The following CSMD1 variants were observed in gnomAD, a reference collection of about 807,000 sequenced individuals.
The protein encoded by CSMD1 is CUB and Sushi multiple domains 1.
A neutral mutation model predicts 417.5 loss-of-function variants in CSMD1; 213 were observed. The ratio of observed to expected loss-of-function variants is 0.51; its 90% CI spans 0.46 to 0.57. The LOEUF (loss-of-function observed/expected upper bound fraction) is 0.57. Among genes scored for constraint, CSMD1 ranks in the 20% least tolerant of loss-of-function variants. The probability of loss-of-function intolerance (pLI) is 0.00; values close to 1 mark genes in which losing one functional copy is unlikely to be tolerated. For synonymous variants in CSMD1, 2,862 were observed against 1,736.8 expected, an observed-to-expected ratio of 1.65 and a Z score of -16.11; for missense variants, 6,923 against 4,529.7, an observed-to-expected ratio of 1.53 and a Z score of -15.17.
intron 6 of CSMD1, among the ~76,000 whole-genome samples, chr8:3,738,827 T>C (rs1796653620): frequency 6.6e-6 from 1 of 152,162 alleles, no homozygotes; most frequent in Admixed American, 6.6e-5. Flanking sequence ...ACCATGTTTC[T>C]CTTCATCTAA....
intron 10 of CSMD1, among the ~76,000 whole-genome samples, chr8:3,555,461 GA>G (rs1799103834): frequency 6.6e-6 from 1 of 152,180 alleles, no homozygotes; most frequent in Non-Finnish European, 1.5e-5. Flanking sequence ...TGGCAGGTCA[GA>G]AGGTGGAGGT....
At chr8:4,121,034 G>C (rs1263341665) in intron 3 of CSMD1, among the ~76,000 whole-genome samples, 4 of 152,096 alleles carry the variant, frequency 2.6e-5, no homozygotes, top group Non-Finnish European at 5.9e-5. Flanking sequence ...TAGTTTAGTA[G>C]TCCAGGAACA....
intron 1 of CSMD1, among the ~76,000 whole-genome samples, chr8:4,882,459 G>C: frequency 6.6e-6 from 1 of 151,802 alleles, no homozygotes; most frequent in East Asian, 2.0e-4. Context: ...GTATTGGGGG[G>C]CGAGTTTGGC....
intron 5 of CSMD1, among the ~76,000 whole-genome samples, chr8:3,852,968 G>A (rs1050656189): frequency 6.6e-6 from 1 of 152,058 alleles, no homozygotes; most frequent in African/African-American, 2.4e-5. Flanking sequence ...ACCGCTTTAT[G>A]GCAAGGCTCC....
chr8:4,705,955 A>G (rs1807911790), intron 1 of CSMD1, among the ~76,000 whole-genome samples: 1 of 151,998 alleles, frequency 6.6e-6, no homozygotes, highest in South Asian at 2.1e-4. Context: ...CTCTTCAACA[A>G]ACCTCTGGAT....
intron 51 of CSMD1, among the ~76,000 whole-genome samples, chr8:3,028,365 G>A (rs561908162): frequency 6.6e-6 from 1 of 152,246 alleles, no homozygotes; most frequent in African/African-American, 2.4e-5. Flanking sequence ...GTGACAAAGA[G>A]GAACGGCTCT....
rs751137727 is a variant in CSMD1 at position 3,512,036 on chromosome 8, C to A, written c.1345-18310G>T. On this transcript the variant is annotated intron_variant, in intron 10 of 69. Transcript: ENST00000635120. ...CCAGGCCCCGCTCCCTGGGCATTCCCCATCACCGTGGATCCACTATGTGGC... is the reference window on the plus strand; with the variant it reads ...CCAGGCCCCGCTCCCTGGGCATTCCACATCACCGTGGATCCACTATGTGGC... 2.6e-5 allele frequency among the ~76,000 whole-genome samples: 4 copies of A among 152,258 alleles called. No individual in the cohort carries two copies. The East Asian group carries it at 7.8e-4, about 30-fold the overall frequency.
At chr8:3,410,561 G>A (rs1812624949) in intron 12 of CSMD1, among the ~76,000 whole-genome samples, 1 of 152,176 alleles carries the variant, frequency 6.6e-6, no homozygotes, top group African/African-American at 2.4e-5. Flanking sequence ...CTGCCATCAT[G>A]TAAGACGTGA....
intron 37 of CSMD1, among the ~76,000 whole-genome samples, chr8:3,173,388 G>C (rs55817419): frequency 2.6e-5 from 4 of 152,158 alleles, no homozygotes; most frequent in African/African-American, 9.7e-5. Context: ...GGTGCACTTA[G>C]AACAGTAGGG....
Position 3,247,349 on chromosome 8 carries a change from C to T in CSMD1, c.4154-17118G>A, listed in dbSNP as rs183739532. On this transcript the variant is annotated intron_variant, in intron 26 of 69. Coordinates refer to ENST00000635120, the MANE Select transcript of CSMD1 (RefSeq NM_033225.6). Reference sequence around the variant, plus strand: ...CTCCTCCTGCTCCTGGCCCCCTCCCCGCCTGCTTGCTCCTGAACCGCTAGC... The same window carrying T: ...CTCCTCCTGCTCCTGGCCCCCTCCCTGCCTGCTTGCTCCTGAACCGCTAGC... Among the ~76,000 whole-genome samples the T allele has an allele frequency of 6.4e-3, 969 of 152,270 alleles. 9 individuals are homozygous for T. Among genetic ancestry groups the T allele is most frequent in the African/African-American group, 0.022 (902 of 41,550 alleles).
Position 3,430,963 on chromosome 8 carries a change from G to A in CSMD1, c.1562-21358C>T, listed in dbSNP as rs143642371. ...ACTAGTAAACTGGAGGGTTCAGTTC[G>A]GTCTTTTCTCACTGCATTGTCTGAG... is the stretch of plus-strand genomic sequence containing the variant. On this transcript the variant is annotated intron_variant, in intron 12 of 69. Coordinates refer to ENST00000635120, the MANE Select transcript of CSMD1 (RefSeq NM_033225.6). Among the ~76,000 whole-genome samples, 55 of 152,170 alleles carry A rather than the reference G, an allele frequency of 3.6e-4. No homozygotes were observed. In the South Asian group the frequency reaches 7.9e-3, roughly 22 times the overall value.
intron 7 of CSMD1, among the ~76,000 whole-genome samples, chr8:3,653,105 T>C (rs1436833652): frequency 1.3e-5 from 2 of 152,122 alleles, no homozygotes; most frequent in African/African-American, 4.8e-5. Context: ...CCAGCCTCCA[T>C]GCATATGCTT....
intron 3 of CSMD1, among the ~76,000 whole-genome samples, chr8:4,045,918 C>T (rs1798124634): frequency 6.6e-6 from 1 of 151,932 alleles, no homozygotes; most frequent in Admixed American, 6.6e-5. Flanking sequence ...ACAGGTATTA[C>T]ATATTTTCTG....
chr8:3,719,530 G>A (rs1309422765), intron 6 of CSMD1, among the ~76,000 whole-genome samples: 2 of 152,164 alleles, frequency 1.3e-5, no homozygotes, highest in Admixed American at 1.3e-4. Flanking sequence ...AAGACTTTGG[G>A]AAAATTAACT....
intron 4 of CSMD1, among the ~76,000 whole-genome samples, chr8:4,021,078 C>G (rs17330883): frequency 0.13 from 20,402 of 152,112 alleles, 1,618 homozygotes; most frequent in Middle Eastern, 0.21. Context: ...CAAGCATTAG[C>G]AATAATGAGG....
chr8:4,255,308 A>C (rs1187225021), intron 3 of CSMD1, among the ~76,000 whole-genome samples: 1 of 152,214 alleles, frequency 6.6e-6, no homozygotes, highest in African/African-American at 2.4e-5. Context: ...TATATTGGTG[A>C]ACTCCAGGAG....
chr8:4,212,722 T>A (rs562372793), intron 3 of CSMD1, among the ~76,000 whole-genome samples: 4 of 148,718 alleles, frequency 2.7e-5, no homozygotes, highest in African/African-American at 5.0e-5. Context: ...TATGAAACAT[T>A]GTGAAAAGTT....
chr8:3,514,677 T>C (rs1398387127), intron 10 of CSMD1, among the ~76,000 whole-genome samples: 2 of 152,198 alleles, frequency 1.3e-5, no homozygotes, highest in Non-Finnish European at 2.9e-5. Flanking sequence ...TTTATCATAT[T>C]TGTAGGTATC....
At chr8:4,570,155 G>A (rs1394429339) in intron 2 of CSMD1, among the ~76,000 whole-genome samples, 1 of 152,068 alleles carries the variant, frequency 6.6e-6, no homozygotes, top group Non-Finnish European at 1.5e-5. Flanking sequence ...GATTGCCCTG[G>A]CCAGAATTTC....
Sources: gnomAD v4.1 joint callset for allele counts (sites outside exome capture counted in the v4.1 genomes callset) on GRCh38, gnomAD v4.1.1 for gene constraint, MANE v1.5 for transcripts, NCBI Gene and HGNC (gene_info 2026-07-23, HGNC 2026-07-21) for gene names.